PDCL3: variants seen among roughly 807,000 people sequenced by gnomAD.
PDCL3 encodes phosducin-like protein 3.
In PDCL3, 22 loss-of-function variants were observed where a neutral mutation model predicts 26.5. That is an observed-to-expected ratio of 0.83 (90% CI 0.59 to 1.19). The LOEUF (loss-of-function observed/expected upper bound fraction) is 1.19. PDCL3 is among the 50% of genes most tolerant of loss of function. The pLI is 0.00. For synonymous variants in PDCL3, 81 were observed against 104.9 expected (o/e 0.77, Z 1.39); for missense variants, 246 against 294.1 (o/e 0.84, Z 1.20).
chr2:100,566,694 G>T, intron 2 of PDCL3, 65 bp downstream of exon 2: 1 of 1,589,160 alleles, frequency 6.3e-7, no homozygotes, highest in East Asian at 2.2e-5. Context: ...GCCTCTGACT[G>T]CCCTGCCAGG....
intron 5 of PDCL3, among the ~76,000 whole-genome samples, chr2:100,573,151 G>C (rs1289382183): frequency 6.6e-6 from 1 of 151,894 alleles, no homozygotes; most frequent in Non-Finnish European, 1.5e-5. Context: ...CCAAAGTGCT[G>C]AGATTACAGA....
chr2:100,570,505 G>GTC (rs987063564), intron 4 of PDCL3, among the ~76,000 whole-genome samples: 8 of 122,728 alleles, frequency 6.5e-5, no homozygotes, highest in Non-Finnish European at 1.3e-4. Flanking sequence ...TTGAGACAAA[G>GTC]TCTCACTCCA....
intron 2 of PDCL3, among the ~76,000 whole-genome samples, chr2:100,567,192 G>A (rs1440060701): frequency 6.6e-6 from 1 of 152,170 alleles, no homozygotes; most frequent in Non-Finnish European, 1.5e-5. Context: ...ATTCTGATGC[G>A]TGTCATAGTT....
intron 1 of PDCL3, among the ~76,000 whole-genome samples, chr2:100,564,384 CCT>C (rs1296324146): frequency 2.0e-5 from 3 of 152,046 alleles, no homozygotes; most frequent in Non-Finnish European, 4.4e-5. Flanking sequence ...GCAAGCTCCG[CCT>C]CTCCAGTTCA....
chr2:100,569,786 C>T (rs1675131765), intron 4 of PDCL3, 65 bp downstream of exon 4: 18 of 1,556,506 alleles, frequency 1.2e-5, no homozygotes, highest in East Asian at 6.9e-5. Flanking sequence ...GGATCTCAGG[C>T]GTTACCTATA....
Position 100,576,396 on chromosome 2 carries a change from A to C in PDCL3, c.620A>C (p.Asp207Ala), listed in dbSNP as rs905825947. ...TCTGAATCTGGAGCAATTATGACAG[A>C]CCTGGAGGAAAACCCTAAGAAGCCG... ...KLSESGAIMT[D>A]LEENPKKPIE... is the part of the protein sequence containing the mutation. The change falls in exon 6 of 6, where the codon GAC becomes GCC. Residue 207 changes from aspartate to alanine, a missense_variant. Transcript: ENST00000264254. 1 of 1,613,956 alleles carries C rather than the reference A, an allele frequency of 6.2e-7. No homozygotes were observed. Among genetic ancestry groups the C allele is most frequent in the East Asian group, 2.2e-5 (1 of 44,888 alleles).
rs1054540851 is a variant in PDCL3, at chr2:100,563,034, C to T, written c.-34C>T. The T allele has an allele frequency of 1.9e-6, 3 of 1,594,440 alleles. No homozygotes were observed. The highest frequency in any genetic ancestry group is 1.8e-5 in the Admixed American group (1 of 56,964). On this transcript the variant is annotated 5_prime_UTR_variant, in exon 1 of 6. Coordinates refer to ENST00000264254, the MANE Select transcript of PDCL3 (RefSeq NM_024065.5). ...GAGCTGAGGGGCGGGGGCGCTGCGG[C>T]ACAGCTGGTTTGAGCAACTGAACTG...
chr2:100,575,256 C>G (rs952494484), intron 5 of PDCL3, among the ~76,000 whole-genome samples: 5 of 152,186 alleles, frequency 3.3e-5, no homozygotes, highest in Non-Finnish European at 4.4e-5. Flanking sequence ...CAGCCTCAGC[C>G]TCCCGAGTAG....
intron 1 of PDCL3, chr2:100,563,286 G>C: frequency 1.9e-6 from 1 of 522,518 alleles, no homozygotes; most frequent in Non-Finnish European, 3.3e-6. Flanking sequence ...TCGGTGTGCC[G>C]GGTCCCCCAA....
chr2:100,569,656 T>C lies in PDCL3; in HGVS notation c.303T>C (p.Asp101=), dbSNP rs770524478. The C allele has an allele frequency of 3.5e-5, 57 of 1,614,000 alleles. No individual in the cohort carries two copies. In the Admixed American group the frequency reaches 9.3e-4, roughly 26 times the overall value. ...AAGTTTTGGAGATCTCAGGGAAGGATTATGTTCAAGAAGTTACCAAAGCTG... is the reference window on the plus strand; with the variant it reads ...AAGTTTTGGAGATCTCAGGGAAGGACTATGTTCAAGAAGTTACCAAAGCTG... ...FGEVLEISGK[D]YVQEVTKAGE... The change falls in exon 4 of 6, where the codon GAT becomes GAC. Residue 101 remains aspartate (D), a synonymous_variant. Coordinates refer to ENST00000264254, the MANE Select transcript of PDCL3 (RefSeq NM_024065.5).
Position 100,566,740 on chromosome 2 carries a change from C to T in PDCL3, c.133+111C>T. ...GAGTGCCAGCATGGACACTCTGTGT[C>T]TGTGGGACCTCAGACAAAACACAGG... On this transcript the variant is annotated intron_variant, in intron 2 of 5. Coordinates refer to ENST00000264254, the MANE Select transcript of PDCL3 (RefSeq NM_024065.5). 2.7e-6 allele frequency: 4 copies of T among 1,486,328 alleles called. No homozygotes were observed. In the East Asian group the frequency reaches 9.2e-5, roughly 34 times the overall value. The allele number at this position is 1,486,328 out of a possible 1,614,324, so 92.1% of individuals were successfully genotyped here.
intron 1 of PDCL3, among the ~76,000 whole-genome samples, chr2:100,563,806 A>T (rs890990699): frequency 6.6e-6 from 1 of 151,846 alleles, no homozygotes; most frequent in African/African-American, 2.4e-5. Flanking sequence ...GTGGTCAGAA[A>T]TTCTAATCTC....
rs375546662 is a variant in PDCL3 at position 100,576,453 on chromosome 2, G to A, written c.677G>A (p.Arg226His). 16 of 1,613,332 alleles carry A rather than the reference G, an allele frequency of 9.9e-6. No homozygotes were observed. Among genetic ancestry groups the A allele is most frequent in the African/African-American group, 2.7e-5 (2 of 74,874 alleles). Residue 226 changes from arginine to histidine, a missense_variant, in exon 6 of 6, where the codon CGC becomes CAC. Coordinates refer to ENST00000264254, the MANE Select transcript of PDCL3 (RefSeq NM_024065.5). ...GACGTGTTGCTGTCCTCAGTGCGGCGCTCTGTCCTCATGAAGAGGGACAGC... is the reference window on the plus strand; with the variant it reads ...GACGTGTTGCTGTCCTCAGTGCGGCACTCTGTCCTCATGAAGAGGGACAGC... ...IEDVLLSSVR[R>H]SVLMKRDSDS...
intron 1 of PDCL3, chr2:100,563,463 C>A: frequency 5.7e-6 from 1 of 175,048 alleles, no homozygotes; most frequent in East Asian, 1.5e-4. Flanking sequence ...GTCTTCCGCA[C>A]GTAAAGCAGC....
In PDCL3 at chr2:100,563,831, TGGAGA is replaced by T. The variant is rs1675004270; in HGVS notation, c.6+766_6+770del. On this transcript the variant is annotated intron_variant, in intron 1 of 5. Coordinates refer to ENST00000264254, the MANE Select transcript of PDCL3 (RefSeq NM_024065.5). ...ATTCTAATCTCTGCTTAGTGGCAGA[TGGAGA>T]GGAGAGGGTGCGGGTTTTGCTGGGG... 4.0e-5 allele frequency among the ~76,000 whole-genome samples: 6 copies of T among 150,342 alleles called. No homozygotes were observed. In the South Asian group the frequency reaches 1.0e-3, roughly 26 times the overall value.
intron 1 of PDCL3, among the ~76,000 whole-genome samples, chr2:100,566,242 CAG>C (rs1286781363): frequency 6.6e-6 from 1 of 152,160 alleles, no homozygotes; most frequent in Non-Finnish European, 1.5e-5. Flanking sequence ...CATGCCAAGT[CAG>C]AGCCTTGGTA....
intron 5 of PDCL3, among the ~76,000 whole-genome samples, chr2:100,573,536 G>A (rs1239375357): frequency 4.0e-5 from 6 of 151,840 alleles, no homozygotes; most frequent in Admixed American, 3.3e-4. Context: ...TTAGCTGGGC[G>A]TGGTGGCGGG....
chr2:100,564,795 C>T (rs1221297985), intron 1 of PDCL3, among the ~76,000 whole-genome samples: 1 of 152,188 alleles, frequency 6.6e-6, no homozygotes, highest in Non-Finnish European at 1.5e-5. Context: ...TTACATCAGT[C>T]TTTGTGACAA....
intron 5 of PDCL3, 98 bp from the exon 6 acceptor site, chr2:100,576,256 G>T (rs1386336220): frequency 6.4e-6 from 9 of 1,409,136 alleles, no homozygotes; most frequent in Non-Finnish European, 8.6e-6. Context: ...TTCGATAATT[G>T]TATTTTCTAC....
Sources: allele counts gnomAD v4.1 joint callset (sites outside exome capture counted in the v4.1 genomes callset), GRCh38; gene constraint gnomAD v4.1.1; transcripts MANE v1.5; gene names NCBI Gene and HGNC (gene_info 2026-07-23, HGNC 2026-07-21).